Variants in C10orf90 observed in about 807,000 individuals in gnomAD.
The protein encoded by C10orf90 is chromosome 10 open reading frame 90, also known as (E2-independent) E3 ubiquitin-conjugating enzyme FATS.
Under a neutral mutation model 62.5 loss-of-function variants are expected in C10orf90, and 56 were observed. The observed-to-expected ratio is 0.90, with a 90% confidence interval of 0.72 to 1.12. The LOEUF is 1.12. C10orf90 is among the 50% of genes most tolerant of loss of function. The probability of loss-of-function intolerance (pLI) is 0.00; values close to 1 mark genes in which losing one functional copy is unlikely to be tolerated. For missense variants in C10orf90, 970 were observed against 880.4 expected (o/e 1.10, Z -1.29); for synonymous variants, 386 against 340.4 (o/e 1.13, Z -1.47).
chr10:126,614,699 A>G (rs1486588857), intron 2 of C10orf90, among the ~76,000 whole-genome samples: 4 of 152,174 alleles, frequency 2.6e-5, no homozygotes, highest in Non-Finnish European at 4.4e-5. Flanking sequence ...AAACTCGAAG[A>G]ACAGCAGTGA....
At chr10:126,443,686 A>G (rs530798397) in intron 7 of C10orf90, among the ~76,000 whole-genome samples, 37 of 152,066 alleles carry the variant, frequency 2.4e-4, no homozygotes, top group African/African-American at 8.0e-4. Context: ...AGCCAGCATC[A>G]CCTTAATACG....
intron 4 of C10orf90, among the ~76,000 whole-genome samples, chr10:126,468,732 G>A (rs1004854326): frequency 2.6e-5 from 4 of 152,166 alleles, no homozygotes; most frequent in South Asian, 2.1e-4. Flanking sequence ...CAGGGACTGG[G>A]GGTGGCGGAA....
chr10:126,575,842 A>G (rs1410722019), intron 2 of C10orf90, among the ~76,000 whole-genome samples: 1 of 152,088 alleles, frequency 6.6e-6, no homozygotes, highest in Non-Finnish European at 1.5e-5. Flanking sequence ...TCTTCAATAT[A>G]TAGTGCTGGA....
At chr10:126,469,957 C>T (rs1204330046) in intron 4 of C10orf90, 9 of 456,688 alleles carry the variant, frequency 2.0e-5, no homozygotes, top group Non-Finnish European at 2.6e-5. Flanking sequence ...GCAATAAATA[C>T]GTTGCATGCT....
At chr10:126,426,492 A>G (rs1857273429) in intron 8 of C10orf90, among the ~76,000 whole-genome samples, 2 of 152,164 alleles carry the variant, frequency 1.3e-5, no homozygotes, top group Non-Finnish European at 1.5e-5. Flanking sequence ...CCTTCTTACC[A>G]CTCAATGTTT....
chr10:126,644,317 TA>T (rs1846122188), intron 2 of C10orf90, among the ~76,000 whole-genome samples: 1 of 152,224 alleles, frequency 6.6e-6, no homozygotes, highest in African/African-American at 2.4e-5. Flanking sequence ...AGAACTCCAG[TA>T]AAATCTGTCT....
chr10:126,661,967 A>G (rs1003121425), intron 1 of C10orf90, among the ~76,000 whole-genome samples: 1 of 152,092 alleles, frequency 6.6e-6, no homozygotes, highest in African/African-American at 2.4e-5. Flanking sequence ...ATCTGTTTTT[A>G]CTAACCAGTA....
intron 7 of C10orf90, among the ~76,000 whole-genome samples, chr10:126,446,500 A>G (rs1858791337): frequency 6.6e-6 from 1 of 151,874 alleles, no homozygotes; most frequent in South Asian, 2.1e-4. Context: ...GCTGGGGGGA[A>G]AAAAATCTGT....
intron 7 of C10orf90, among the ~76,000 whole-genome samples, chr10:126,436,736 A>C (rs1374317229): frequency 1.3e-5 from 2 of 152,114 alleles, no homozygotes; most frequent in Non-Finnish European, 2.9e-5. Flanking sequence ...ATCATGGCTT[A>C]CTGCAGCCTC....
At chr10:126,601,218 G>A (rs1285280895) in intron 2 of C10orf90, among the ~76,000 whole-genome samples, 3 of 152,182 alleles carry the variant, frequency 2.0e-5, no homozygotes, top group East Asian at 1.9e-4. Flanking sequence ...GGAGATGTAG[G>A]TTAAAGGATA....
chr10:126,659,801 A>C (rs1846471518), intron 1 of C10orf90, among the ~76,000 whole-genome samples: 1 of 152,250 alleles, frequency 6.6e-6, no homozygotes, highest in Admixed American at 6.5e-5. Context: ...GACTAATGTA[A>C]GTATTGAATC....
At chr10:126,473,614 A>G (rs1176043756) in intron 4 of C10orf90, among the ~76,000 whole-genome samples, 1 of 151,918 alleles carries the variant, frequency 6.6e-6, no homozygotes, top group Non-Finnish European at 1.5e-5. Flanking sequence ...TTCCAAAGCC[A>G]TACCCTCCCC....
In C10orf90 at chr10:126,456,612, A is replaced by G. The variant is rs1859602723; in HGVS notation, c.2188+2428T>C. On this transcript the variant is annotated intron_variant, in intron 7 of 9. Coordinates refer to ENST00000488181, the MANE Select transcript of C10orf90 (RefSeq NM_001350921.2). The surrounding 1 kb of genome is among the most constrained non-coding windows in gnomAD (Gnocchi z 4.9). Reference sequence around the variant, plus strand: ...AGATATGTTTAAGTCCTAATCCCCCATAACTCTGAATGTGACTTCTTTGGA... The same window carrying G: ...AGATATGTTTAAGTCCTAATCCCCCGTAACTCTGAATGTGACTTCTTTGGA... 6.6e-6 allele frequency among the ~76,000 whole-genome samples: 1 copy of G among 152,220 alleles called. No individual in the cohort carries two copies. The highest frequency in any genetic ancestry group is 2.4e-5 in the African/African-American group (1 of 41,454).
At chr10:126,473,003 C>T (rs534864604) in intron 4 of C10orf90, among the ~76,000 whole-genome samples, 3 of 152,214 alleles carry the variant, frequency 2.0e-5, no homozygotes, top group South Asian at 2.1e-4. Flanking sequence ...TTTTTGACTT[C>T]TCTTCAATTT....
At chr10:126,503,835 A>G (rs1862539416) in intron 4 of C10orf90, 122 bp downstream of exon 4, 2 of 1,208,920 alleles carry the variant, frequency 1.7e-6, no homozygotes, top group African/African-American at 3.1e-5. Flanking sequence ...AGCAGAGCAG[A>G]TCACTGCAAG....
At chr10:126,465,241 G>C (rs1285432456) in intron 4 of C10orf90, among the ~76,000 whole-genome samples, 2 of 151,936 alleles carry the variant, frequency 1.3e-5, no homozygotes, top group Non-Finnish European at 2.9e-5. Context: ...CTTGATTCTG[G>C]GGCCAGAGTA....
chr10:126,504,125 C>A lies in C10orf90; in HGVS notation c.1366G>T (p.Ala456Ser). The change falls in exon 4 of 10, where the codon GCT becomes TCT. Residue 456 changes from alanine (A) to serine (S), a missense_variant. Transcript: ENST00000488181. The surrounding 1 kb of genome is among the most constrained non-coding windows in gnomAD (Gnocchi z 4.1). ...SLRRVHLGTG[A>S]CPWSGSFPLE... is the part of the protein sequence containing the mutation. The stretch of plus-strand genomic sequence containing the variant: ...GGAAAAGAACCACTCCAAGGACAAG[C>A]GCCGGTCCCCAAATGCACCCGCCTC... The A allele has an allele frequency of 6.2e-7, 1 of 1,614,102 alleles. No homozygotes were observed. Among genetic ancestry groups the A allele is most frequent in the Non-Finnish European group, 8.5e-7 (1 of 1,180,022 alleles).
At chr10:126,625,840 C>T (rs193274085) in intron 2 of C10orf90, among the ~76,000 whole-genome samples, 133 of 152,114 alleles carry the variant, frequency 8.7e-4, no homozygotes, top group Non-Finnish European at 1.4e-3. Context: ...GTGGGCTGGG[C>T]GCAGTGGCTC....
chr10:126,526,405 C>T (rs572463435), intron 2 of C10orf90, among the ~76,000 whole-genome samples: 15 of 152,160 alleles, frequency 9.9e-5, no homozygotes, highest in South Asian at 2.1e-4. Context: ...CCACCACACC[C>T]GGCTAATTTT....
Sources: gnomAD v4.1 joint callset for allele counts (sites outside exome capture counted in the v4.1 genomes callset) on GRCh38, gnomAD v4.1.1 for gene constraint, Gnocchi (gnomAD v3.1) non-coding constraint, MANE v1.5 for transcripts, NCBI Gene and HGNC (gene_info 2026-07-23, HGNC 2026-07-21) for gene names.